Variants in HERC2 observed in about 807,000 individuals in gnomAD.
HERC2 encodes the protein HECT and RLD domain containing E3 ubiquitin protein ligase 2.
Under a neutral mutation model 537.7 loss-of-function variants are expected in HERC2, and 102 were observed. That is an observed-to-expected ratio of 0.19 (90% CI 0.16 to 0.22). The LOEUF is 0.22. Among genes scored for constraint, HERC2 ranks in the 10% least tolerant of loss-of-function variants. HERC2 has a pLI of 1.00. For missense variants in HERC2, 4,236 were observed against 6,198.2 expected (o/e 0.68, Z 10.63); for synonymous variants, 2,224 against 2,466.2 (o/e 0.90, Z 2.91).
chr15:28,314,556 A>G (rs557977123), intron 2 of HERC2, among the ~76,000 whole-genome samples: 2 of 151,922 alleles, frequency 1.3e-5, no homozygotes, highest in Non-Finnish European at 2.9e-5. Flanking sequence ...GTTGCAACAT[A>G]ATCAAAAGAA....
At chr15:28,258,386 T>C (rs2075325516) in intron 16 of HERC2, among the ~76,000 whole-genome samples, 1 of 152,076 alleles carries the variant, frequency 6.6e-6, no homozygotes, top group African/African-American at 2.4e-5. Context: ...GCAGGAGAAT[T>C]GCTTGAACCC....
At position 28,270,742 on chromosome 15, in the gene HERC2, C is replaced by T. The variant is rs767903405; in HGVS notation, c.1210G>A (p.Ala404Thr). The T allele has an allele frequency of 1.9e-6, 3 of 1,613,958 alleles. No homozygotes were observed. The highest frequency in any genetic ancestry group is 1.3e-5 in the African/African-American group (1 of 75,048). ...CACAGCGGAGGCATACAGGGCGTAG[C>T]CAGACGGTCTAAATGGGCCATGACA... Reference protein sequence around the residue: ...VVVMAHLDRLATPCMPPLCSS... With the variant: ...VVVMAHLDRLTTPCMPPLCSS... The change falls in exon 10 of 93, where the codon GCT (alanine) becomes ACT (threonine). Residue 404 changes from alanine to threonine, a missense_variant. Physicochemically the swap from Ala to Thr is moderately conservative, Grantham distance 58. Around this residue, in one of 27 missense-constraint regions of HERC2, gnomAD observed 491 missense variants for 559.3 expected, o/e 0.88. Coordinates refer to ENST00000261609, the MANE Select transcript of HERC2 (RefSeq NM_004667.6).
intron 37 of HERC2, 35 bp downstream of exon 37, chr15:28,220,417 C>T (rs1900399358): frequency 1.3e-6 from 2 of 1,590,580 alleles, no homozygotes; most frequent in South Asian, 2.2e-5. Context: ...AGTTTGTGGG[C>T]TGCCTTGGAC....
At position 28,214,574 on chromosome 15, in the gene HERC2, G is replaced by A. The variant is rs1419616846; in HGVS notation, c.6358+81C>T. ...TGCGCCGCTCTTCACCAGGGCACAG[G>A]GAAGGGAAACGGCCACCCACCTGAG... On this transcript the variant is annotated intron_variant, in intron 40 of 92. Transcript: ENST00000261609. The A allele has an allele frequency of 9.3e-6, 14 of 1,507,112 alleles. No homozygotes were observed. In the Admixed American group the frequency reaches 2.1e-4, roughly 22 times the overall value. 93.4% of individuals were successfully genotyped at this position (1,507,112 alleles called of 1,614,324 possible). A position where few individuals can be genotyped will look rare whatever the true frequency, so the allele number is the denominator to read the frequency against.
chr15:28,235,715 A>G (rs761928175), intron 26 of HERC2, among the ~76,000 whole-genome samples: 30 of 152,130 alleles, frequency 2.0e-4, no homozygotes, highest in Non-Finnish European at 4.1e-4. Context: ...TTCACCATTC[A>G]CCACCTTGTA....
At position 28,217,474 on chromosome 15, in the gene HERC2, C is replaced by T. The variant is rs201163450; in HGVS notation, c.6028+1015G>A. Among the ~76,000 whole-genome samples, 533 of 144,778 alleles carry T rather than the reference C, an allele frequency of 3.7e-3. 4 individuals are homozygous for T. Among genetic ancestry groups the T allele is most frequent in the East Asian group, 0.027 (90 of 3,282 alleles). 95.0% of individuals were successfully genotyped at this position (144,778 alleles called of 152,430 possible). On this transcript the variant is annotated intron_variant, in intron 38 of 92. Coordinates refer to ENST00000261609, the MANE Select transcript of HERC2 (RefSeq NM_004667.6). ...CCAGCACACCACTAATACACGCATG[C>T]TCTCACACACACTGGAGGACGCCCA...
At chr15:28,155,399 C>G (rs1892895669) in intron 69 of HERC2, among the ~76,000 whole-genome samples, 1 of 152,124 alleles carries the variant, frequency 6.6e-6, no homozygotes, top group Admixed American at 6.5e-5. Context: ...AAAAGTGCTC[C>G]TATTTCTCCA....
At chr15:28,167,331 T>G (rs1225571394) in intron 68 of HERC2, among the ~76,000 whole-genome samples, 1 of 152,190 alleles carries the variant, frequency 6.6e-6, no homozygotes, top group African/African-American at 2.4e-5. Context: ...AACGAAGAAC[T>G]GAAGGACTGT....
chr15:28,116,975 C>T (rs747491105), intron 87 of HERC2, 38 bp downstream of exon 87: 35 of 1,613,434 alleles, frequency 2.2e-5, no homozygotes, highest in Non-Finnish European at 3.0e-5. Context: ...CGACCACTGC[C>T]GGGGACACAG....
chr15:28,251,456 T>C (rs2075077999), intron 20 of HERC2, among the ~76,000 whole-genome samples: 1 of 138,576 alleles, frequency 7.2e-6, no homozygotes, highest in Admixed American at 7.2e-5. Flanking sequence ...GGAAAAAAAT[T>C]GTCCTTAGTC....
At chr15:28,242,361 G>A (rs932660545) in intron 23 of HERC2, among the ~76,000 whole-genome samples, 1 of 152,190 alleles carries the variant, frequency 6.6e-6, no homozygotes, top group African/African-American at 2.4e-5. Flanking sequence ...CACTCTACAA[G>A]ATTAGCACAA....
chr15:28,117,451 G>A (rs1353848709), intron 86 of HERC2: 12 of 662,558 alleles, frequency 1.8e-5, no homozygotes, highest in Middle Eastern at 3.7e-4. Context: ...CCACCACCAC[G>A]TCCACAGCTG....
intron 5 of HERC2, among the ~76,000 whole-genome samples, chr15:28,278,580 C>T (rs1352749936): frequency 1.3e-5 from 2 of 152,166 alleles, no homozygotes; most frequent in African/African-American, 2.4e-5. Context: ...AGAGAGCCAA[C>T]TGTAATGTGA....
In HERC2 at chr15:28,124,037, CT is replaced by C; in HGVS notation, c.13187del (p.Lys4396ArgfsTer8). 6.3e-7 allele frequency: 1 copy of C among 1,578,400 alleles called. No individual in the cohort carries two copies. Among genetic ancestry groups the C allele is most frequent in the South Asian group, 1.2e-5 (1 of 85,876 alleles). The stretch of plus-strand genomic sequence containing the variant: ...AGAGCAAAGATTGCCACTTGAATAC[CT>C]TTCCCTGGGATATCAGAATTCCTCG... ...TLRGILISQG[K>X]EAAFRKVVQA... On this transcript the variant is annotated frameshift_variant and splice_region_variant, in exon 85 of 93. Transcript: ENST00000261609. LOFTEE classifies it high-confidence loss of function.
chr15:28,249,377 A>G (rs552839928), intron 20 of HERC2, among the ~76,000 whole-genome samples: 11 of 152,344 alleles, frequency 7.2e-5, no homozygotes, highest in Non-Finnish European at 8.8e-5. Context: ...AAGAGGCTCC[A>G]GTTCCAACAC....
chr15:28,159,869 A>G (rs539764126), intron 69 of HERC2, among the ~76,000 whole-genome samples: 2 of 152,128 alleles, frequency 1.3e-5, no homozygotes, highest in East Asian at 3.9e-4. Context: ...GGTTTTATCT[A>G]CCTTTGGTCT....
At position 28,113,005 on chromosome 15, in the gene HERC2, G is replaced by T; in HGVS notation, c.14232+66C>A. The T allele has an allele frequency of 1.5e-6, 2 of 1,336,046 alleles. No individual in the cohort carries two copies. Among genetic ancestry groups the T allele is most frequent in the Non-Finnish European group, 2.1e-6 (2 of 949,238 alleles). The allele number at this position is 1,336,046 out of a possible 1,614,324, so 82.8% of individuals were successfully genotyped here. A position where few individuals can be genotyped will look rare whatever the true frequency, so the allele number is the denominator to read the frequency against. ...TTCCATGTGCTGCAGGACTGTGGGT[G>T]AGGAGCCAGCCACCCACCGTCGGCC... On this transcript the variant is annotated intron_variant, in intron 92 of 92. Coordinates refer to ENST00000261609, the MANE Select transcript of HERC2 (RefSeq NM_004667.6). This position sits in a 1 kb window ranked among gnomAD's most constrained non-coding sequence, Gnocchi z 7.0.
intron 92 of HERC2, among the ~76,000 whole-genome samples, chr15:28,112,742 T>G (rs1457538166): frequency 6.6e-6 from 1 of 152,148 alleles, no homozygotes; most frequent in Admixed American, 6.5e-5. Context: ...TTTCTCGGTA[T>G]GTAGGATGTT....
At chr15:28,259,323 G>C (rs1395105296) in intron 16 of HERC2, among the ~76,000 whole-genome samples, 2 of 151,796 alleles carry the variant, frequency 1.3e-5, no homozygotes, top group Non-Finnish European at 2.9e-5. Context: ...TCAAACTCCT[G>C]ACCTCAGGTG....
Sources: gnomAD v4.1 joint callset for allele counts (sites outside exome capture counted in the v4.1 genomes callset) on GRCh38, gnomAD v4.1.1 for gene constraint, gnomAD v4.1.1 regional missense constraint, Gnocchi (gnomAD v3.1) non-coding constraint, MANE v1.5 for transcripts, NCBI Gene and HGNC (gene_info 2026-07-23, HGNC 2026-07-21) for gene names.